The following CALD1 variants were observed in gnomAD, a reference collection of about 807,000 sequenced individuals.
The protein encoded by CALD1 is caldesmon.
In CALD1, 33 loss-of-function variants were observed where a neutral mutation model predicts 99.9. The ratio of observed to expected loss-of-function variants is 0.33; its 90% CI spans 0.25 to 0.44. The LOEUF is 0.44. Ranked by LOEUF, CALD1 falls within the 20% of genes least tolerant of loss-of-function variation. The pLI, the probability that CALD1 is intolerant of heterozygous loss-of-function variation, is 1.00. For missense variants in CALD1, 861 were observed against 962.1 expected (o/e 0.89, Z 1.39); for synonymous variants, 310 against 325.0 (o/e 0.95, Z 0.50).
At chr7:134,880,347 C>A (rs1021308691) in intron 3 of CALD1, among the ~76,000 whole-genome samples, 3 of 152,176 alleles carry the variant, frequency 2.0e-5, no homozygotes, top group African/African-American at 7.2e-5. Context: ...TTTATTCCCA[C>A]AGAAAACTTT....
chr7:134,851,777 T>C (rs1373356622), intron 2 of CALD1, among the ~76,000 whole-genome samples: 1 of 152,176 alleles, frequency 6.6e-6, no homozygotes, highest in Non-Finnish European at 1.5e-5. Flanking sequence ...AGTGACATGA[T>C]ACTTCTGCTC....
chr7:134,892,255 C>T (rs183491994), intron 3 of CALD1, among the ~76,000 whole-genome samples: 1 of 152,328 alleles, frequency 6.6e-6, no homozygotes, highest in Non-Finnish European at 1.5e-5. Flanking sequence ...GGCCTTTAGA[C>T]TCTTTGGTGC....
At chr7:134,779,033 A>C (rs1224308352), upstream of CALD1, among the ~76,000 whole-genome samples, 3 of 152,184 alleles carry the variant, frequency 2.0e-5, no homozygotes, top group Non-Finnish European at 4.4e-5. Flanking sequence ...TCAGGCTAGA[A>C]TTTAGTCTGC....
the CALD1 span, among the ~76,000 whole-genome samples, chr7:134,714,002 C>T: frequency 1.8e-4 from 28 of 152,110 alleles, no homozygotes; most frequent in African/African-American, 6.5e-4. Flanking sequence ...GTGCTGTTCT[C>T]CTGAGAGTGA....
chr7:134,847,564 C>T (rs1420033804), intron 2 of CALD1, among the ~76,000 whole-genome samples: 1 of 152,188 alleles, frequency 6.6e-6, no homozygotes, highest in Non-Finnish European at 1.5e-5. Flanking sequence ...GACACGAGGT[C>T]ACAGGTCCCA....
chr7:134,884,658 T>A (rs1032510428), intron 3 of CALD1, among the ~76,000 whole-genome samples: 4 of 151,820 alleles, frequency 2.6e-5, no homozygotes, highest in African/African-American at 9.7e-5. Context: ...GGCCAATCTT[T>A]AGAAACCTTT....
At chr7:134,781,930 T>A (rs1185959091) in intron 1 of CALD1, among the ~76,000 whole-genome samples, 1 of 152,222 alleles carries the variant, frequency 6.6e-6, no homozygotes, top group South Asian at 2.1e-4. Flanking sequence ...ATGAGAATCA[T>A]TAACAATTCT....
At chr7:134,777,585 G>A (rs1327285749), upstream of CALD1, among the ~76,000 whole-genome samples, 1 of 152,096 alleles carries the variant, frequency 6.6e-6, no homozygotes, top group Non-Finnish European at 1.5e-5. Context: ...TCCACCAAAG[G>A]GCATTATTTA....
chr7:134,750,315 C>T (rs1420043576), intron 1 of CALD1, among the ~76,000 whole-genome samples: 3 of 152,020 alleles, frequency 2.0e-5, no homozygotes, highest in East Asian at 1.9e-4. Flanking sequence ...GCTGGCCAAG[C>T]AGAAAGGTGC....
intron 1 of CALD1, among the ~76,000 whole-genome samples, chr7:134,791,259 C>T (rs986859613): frequency 2.0e-5 from 3 of 152,178 alleles, no homozygotes; most frequent in Admixed American, 2.0e-4. Context: ...TGCAGTGGCA[C>T]GATCTCGGCT....
intron 1 of CALD1, among the ~76,000 whole-genome samples, chr7:134,814,738 G>T (rs1798491351): frequency 6.6e-6 from 1 of 152,146 alleles, no homozygotes; most frequent in African/African-American, 2.4e-5. Context: ...AAGAGTGAAG[G>T]CACACCCCTG....
chr7:134,758,164 C>T (rs1796746329), intron 1 of CALD1, among the ~76,000 whole-genome samples: 1 of 152,158 alleles, frequency 6.6e-6, no homozygotes, highest in Admixed American at 6.5e-5. Flanking sequence ...TTGTGTGCAA[C>T]TCTATGCTTC....
chr7:134,899,413 C>T (rs1013491489), intron 3 of CALD1, among the ~76,000 whole-genome samples: 29 of 152,022 alleles, frequency 1.9e-4, no homozygotes, highest in Admixed American at 1.3e-4. Flanking sequence ...ATGTTGGCCA[C>T]GCTGGTGTTG....
chr7:134,936,376 G>A (rs1429595626), intron 6 of CALD1, among the ~76,000 whole-genome samples: 2 of 152,160 alleles, frequency 1.3e-5, no homozygotes, highest in African/African-American at 4.8e-5. Context: ...AGATAGAATG[G>A]CACGGGGTTT....
intron 2 of CALD1, among the ~76,000 whole-genome samples, chr7:134,849,822 A>T (rs1344394186): frequency 2.6e-5 from 4 of 152,162 alleles, no homozygotes; most frequent in African/African-American, 9.7e-5. Context: ...TCATGGGGAG[A>T]GGTCCCTGCC....
rs1173562259 is a variant in CALD1, at chr7:134,783,570, A to C, written c.-130+3821A>C. Among the ~76,000 whole-genome samples, 1 of 152,074 alleles carries C rather than the reference A, an allele frequency of 6.6e-6. No individual in the cohort carries two copies. The highest frequency in any genetic ancestry group is 1.5e-5 in the Non-Finnish European group (1 of 68,016). On this transcript the variant is annotated intron_variant, in intron 1 of 14. Transcript: ENST00000361675. The surrounding 1 kb of genome is among the most constrained non-coding windows in gnomAD (Gnocchi z 4.3). The stretch of plus-strand genomic sequence containing the variant: ...GCTATGGGAGCGGGGTCGGGGGGAA[A>C]CTATGACCTGGGCTGTGAGGGAGGG...
chr7:134,727,657 G>T, the CALD1 span, among the ~76,000 whole-genome samples: 7 of 152,206 alleles, frequency 4.6e-5, no homozygotes, highest in African/African-American at 9.6e-5. Context: ...AAGCAGAGCG[G>T]ACTTCCTTCA....
chr7:134,867,933 T>C (rs1288647395), intron 3 of CALD1, 129 bp downstream of exon 3: 9 of 458,142 alleles, frequency 2.0e-5, no homozygotes, highest in African/African-American at 1.0e-4. Flanking sequence ...AAAGTAGTTA[T>C]GGAAAATTTT....
At chr7:134,765,966 TTCTC>T (rs376785979) in intron 1 of CALD1, among the ~76,000 whole-genome samples, 1 of 149,758 alleles carries the variant, frequency 6.7e-6, no homozygotes, top group Non-Finnish European at 1.5e-5. Flanking sequence ...CTCTCTCTCT[TTCTC>T]TCTCTCTCTC....
Sources: gnomAD v4.1 joint callset for allele counts (sites outside exome capture counted in the v4.1 genomes callset) on GRCh38, gnomAD v4.1.1 for gene constraint, Gnocchi (gnomAD v3.1) non-coding constraint, MANE v1.5 for transcripts, NCBI Gene and HGNC (gene_info 2026-07-23, HGNC 2026-07-21) for gene names.